SNRPA: variants seen among roughly 807,000 people sequenced by gnomAD.
SNRPA encodes U1 small nuclear ribonucleoprotein A.
SNRPA carries 10 observed loss-of-function variants against 24.5 expected under a neutral mutation model. The ratio of observed to expected loss-of-function variants is 0.41; its 90% CI spans 0.25 to 0.69. SNRPA has a LOEUF of 0.69. Ranked by LOEUF, SNRPA falls within the 30% of genes least tolerant of loss-of-function variation. The probability of loss-of-function intolerance (pLI) is 0.33; values close to 1 mark genes in which losing one functional copy is unlikely to be tolerated. For missense variants in SNRPA, 283 were observed against 394.7 expected (o/e 0.72, Z 2.40); for synonymous variants, 165 against 148.4 (o/e 1.11, Z -0.81).
chr19:40,758,208 C>A (rs564386836), intron 2 of SNRPA, among the ~76,000 whole-genome samples: 5 of 152,170 alleles, frequency 3.3e-5, no homozygotes, highest in Non-Finnish European at 7.4e-5. Flanking sequence ...CTCAAGTGAT[C>A]TGCCTGCCTC....
At chr19:40,761,217 G>A (rs1250532306) in intron 3 of SNRPA, among the ~76,000 whole-genome samples, 1 of 151,790 alleles carries the variant, frequency 6.6e-6, no homozygotes, top group East Asian at 1.9e-4. Flanking sequence ...AGGATGAAGA[G>A]TCTAGGTACA....
At chr19:40,755,567 G>A (rs368596288) in intron 1 of SNRPA, among the ~76,000 whole-genome samples, 3 of 152,250 alleles carry the variant, frequency 2.0e-5, no homozygotes, top group African/African-American at 7.2e-5. Flanking sequence ...GTAGAGACAG[G>A]GTTTCACCCT....
chr19:40,761,719 A>T (rs1313764800), intron 3 of SNRPA, among the ~76,000 whole-genome samples: 1 of 150,564 alleles, frequency 6.6e-6, no homozygotes, highest in East Asian at 1.9e-4. Context: ...CGCCCTCCTC[A>T]CCCTCCCGAA....
chr19:40,764,605 T>C (rs1469934008), intron 5 of SNRPA, among the ~76,000 whole-genome samples: 1 of 152,114 alleles, frequency 6.6e-6, no homozygotes, highest in Non-Finnish European at 1.5e-5. Context: ...GGCAGGTGGA[T>C]CACTTGAGGT....
At chr19:40,753,778 TG>T (rs146334856) in intron 1 of SNRPA, among the ~76,000 whole-genome samples, 3,315 of 151,690 alleles carry the variant, frequency 0.022, 103 homozygotes, top group African/African-American at 0.075. Flanking sequence ...CCTGGTTTTT[TG>T]TTTTTAAATC....
intron 3 of SNRPA, among the ~76,000 whole-genome samples, chr19:40,762,475 C>T (rs1347891756): frequency 1.3e-5 from 2 of 151,868 alleles, no homozygotes; most frequent in Non-Finnish European, 2.9e-5. Context: ...CCTCGGCCTC[C>T]CAAAGTGTTA....
chr19:40,751,764 C>T (rs2084242898), intron 1 of SNRPA, among the ~76,000 whole-genome samples: 1 of 152,106 alleles, frequency 6.6e-6, no homozygotes, highest in South Asian at 2.1e-4. Flanking sequence ...GCTGACTTGC[C>T]GTACGCTGAG....
rs753191262 is a variant in SNRPA, at chr19:40,765,091, G to C, written c.773G>C (p.Gly258Ala). Residue 258 changes from glycine (G) to alanine (A), a missense_variant, in exon 6 of 6, where the codon GGG becomes GCG. Transcript: ENST00000243563. ...GAGTTTGACAATGAGGTACAGGCAG[G>C]GGCAGCTCGCGATGCCCTGCAGGGC... ...FVEFDNEVQA[G>A]AARDALQGFK... is the part of the protein sequence containing the mutation. 6.3e-7 allele frequency: 1 copy of C among 1,590,652 alleles called. No homozygotes were observed. Among genetic ancestry groups the C allele is most frequent in the East Asian group, 2.4e-5 (1 of 42,090 alleles).
intron 1 of SNRPA, 39 bp from the exon 2 acceptor site, chr19:40,757,293 A>T: frequency 1.2e-6 from 2 of 1,607,682 alleles, no homozygotes; most frequent in Non-Finnish European, 1.7e-6. Context: ...GCTTCTTCTA[A>T]AAAGGGGAGC....
In SNRPA at chr19:40,763,599, C is replaced by T; in HGVS notation, c.613C>T (p.Pro205Ser). Residue 205 changes from proline to serine, a missense_variant, in exon 5 of 6, where the codon CCA (proline) becomes TCA (serine). Transcript: ENST00000243563. ...MPPAQPLSEN[P>S]PNHILFLTNL... ...TATACCCCCGCAGCTTTCTGAGAATCCACCGAATCACATCTTGTTCCTCAC... is the reference window on the plus strand; with the variant it reads ...TATACCCCCGCAGCTTTCTGAGAATTCACCGAATCACATCTTGTTCCTCAC... The T allele has an allele frequency of 3.7e-6, 6 of 1,614,092 alleles. No homozygotes were observed. The highest frequency in any genetic ancestry group is 4.2e-6 in the Non-Finnish European group (5 of 1,179,974).
intron 4 of SNRPA, 60 bp downstream of exon 4, chr19:40,763,134 AG>A: frequency 7.4e-7 from 1 of 1,353,950 alleles, no homozygotes; most frequent in South Asian, 1.4e-5. Flanking sequence ...AGGACTAGAA[AG>A]GGACCAGTTG....
chr19:40,757,593 T>TGCCTCC, intron 2 of SNRPA, 89 bp downstream of exon 2: 1 of 1,263,292 alleles, frequency 7.9e-7, no homozygotes, highest in Non-Finnish European at 1.1e-6. Flanking sequence ...GATATTACGG[T>TGCCTCC]TCATTTGCCA....
chr19:40,754,346 C>T (rs1202954922), intron 1 of SNRPA, among the ~76,000 whole-genome samples: 2 of 152,172 alleles, frequency 1.3e-5, no homozygotes, highest in South Asian at 2.1e-4. Context: ...GTGATCCACC[C>T]GCCTCGGCCT....
intron 1 of SNRPA, among the ~76,000 whole-genome samples, chr19:40,753,797 A>C (rs193285481): frequency 6.7e-6 from 1 of 149,738 alleles, no homozygotes; most frequent in African/African-American, 2.5e-5. Flanking sequence ...ATCTTATTTT[A>C]TTTATTTATT....
intron 1 of SNRPA, among the ~76,000 whole-genome samples, chr19:40,756,409 A>T (rs1240632308): frequency 3.3e-5 from 5 of 152,084 alleles, no homozygotes; most frequent in Admixed American, 6.6e-5. Context: ...CAGCCTGGGC[A>T]ACATAGCAAG....
In SNRPA at chr19:40,762,960, C is replaced by T; in HGVS notation, c.486C>T (p.Pro162=). ...RIMHHMPGQP[P]YMPPPGMIPP... is the part of the protein sequence containing the mutation. ...TGCACCACATGCCGGGCCAGCCGCC[C>T]TACATGCCGCCCCCTGGTATGATCC... is the stretch of plus-strand genomic sequence containing the variant. The change falls in exon 4 of 6, where the codon CCC becomes CCT. Residue 162 remains proline (P), a synonymous_variant. Transcript: ENST00000243563. 1 of 1,613,816 alleles carries T rather than the reference C, an allele frequency of 6.2e-7. No individual in the cohort carries two copies. Among genetic ancestry groups the T allele is most frequent in the Non-Finnish European group, 8.5e-7 (1 of 1,179,918 alleles).
At position 40,763,012 on chromosome 19, in the gene SNRPA, A is replaced by G. The variant is rs1215227529; in HGVS notation, c.538A>G (p.Ile180Val). The change falls in exon 4 of 6, where the codon ATC becomes GTC. Residue 180 changes from isoleucine to valine, a missense_variant. This residue lies in a region of SNRPA where 167 missense variants were observed against 174.3 expected (regional missense o/e 0.96). Coordinates refer to ENST00000243563, the MANE Select transcript of SNRPA (RefSeq NM_004596.5). ...IPPPGLAPGQ[I>V]PPGAMPPQQL... ...CCCGCCAGGCCTTGCACCTGGCCAG[A>G]TCCCACCAGGGGCCATGCCCCCGCA... is the stretch of plus-strand genomic sequence containing the variant. 1 of 1,610,850 alleles carries G rather than the reference A, an allele frequency of 6.2e-7. No individual in the cohort carries two copies. The highest frequency in any genetic ancestry group is 8.5e-7 in the Non-Finnish European group (1 of 1,178,412).
intron 3 of SNRPA, among the ~76,000 whole-genome samples, chr19:40,761,125 G>T (rs2082929670): frequency 7.5e-6 from 1 of 133,706 alleles, no homozygotes; most frequent in Non-Finnish European, 1.6e-5. Context: ...ACGTCCATGT[G>T]CAAAAAAAAA....
intron 1 of SNRPA, among the ~76,000 whole-genome samples, chr19:40,755,099 T>A (rs2082902803): frequency 6.6e-6 from 1 of 151,698 alleles, no homozygotes; most frequent in South Asian, 2.1e-4. Flanking sequence ...TTTTTTGAGA[T>A]GGAGTTTCGA....
Sources: gnomAD v4.1 joint callset for allele counts (sites outside exome capture counted in the v4.1 genomes callset) on GRCh38, gnomAD v4.1.1 for gene constraint, gnomAD v4.1.1 regional missense constraint, MANE v1.5 for transcripts, NCBI Gene and HGNC (gene_info 2026-07-23, HGNC 2026-07-21) for gene names.